CRYBG1: variants seen among roughly 807,000 people sequenced by gnomAD.
CRYBG1 encodes the protein crystallin beta-gamma domain containing 1, also known as beta/gamma crystallin domain-containing protein 1.
A neutral mutation model predicts 189.2 loss-of-function variants in CRYBG1; 139 were observed. The ratio of observed to expected loss-of-function variants is 0.73; its 90% CI spans 0.64 to 0.85. The LOEUF (loss-of-function observed/expected upper bound fraction) is 0.85, where lower values mean the gene tolerates loss of function less well. Among genes scored for constraint, CRYBG1 ranks in the 40% least tolerant of loss-of-function variants. CRYBG1 has a pLI of 0.00. For missense variants in CRYBG1, 2,611 were observed against 2,675.8 expected, an observed-to-expected ratio of 0.98 and a Z score of 0.53; for synonymous variants, 1,023 against 1,017.1, an observed-to-expected ratio of 1.01 and a Z score of -0.11.
At chr6:106,550,777 A>G (rs1774379625) in intron 13 of CRYBG1, among the ~76,000 whole-genome samples, 2 of 152,182 alleles carry the variant, frequency 1.3e-5, no homozygotes, top group Non-Finnish European at 2.9e-5. Context: ...AAGGTTGAGA[A>G]TGAAAGGACT....
chr6:106,395,682 T>G lies in CRYBG1; in HGVS notation c.173+34601T>G, dbSNP rs1177136983. 4.6e-5 allele frequency among the ~76,000 whole-genome samples: 7 copies of G among 152,292 alleles called. No homozygotes were observed. The East Asian group carries it at 1.4e-3, about 29-fold the overall frequency. On this transcript the variant is annotated intron_variant, in intron 1 of 21. Transcript: ENST00000633556. Reference sequence around the variant, plus strand: ...GTATAGGATTTTTTGGTTTGCTTCCTTAAGTGGTGATTTTGCCATCCCTGA... The same window carrying G: ...GTATAGGATTTTTTGGTTTGCTTCCGTAAGTGGTGATTTTGCCATCCCTGA...
At chr6:106,393,214 A>T (rs1342450501) in intron 1 of CRYBG1, among the ~76,000 whole-genome samples, 4 of 152,222 alleles carry the variant, frequency 2.6e-5, no homozygotes, top group Non-Finnish European at 5.9e-5. Flanking sequence ...CTGAGATGGA[A>T]CATGGAGGAG....
At chr6:106,440,400 G>A (rs990659317) in intron 1 of CRYBG1, among the ~76,000 whole-genome samples, 1 of 151,930 alleles carries the variant, frequency 6.6e-6, no homozygotes, top group African/African-American at 2.4e-5. Flanking sequence ...AAGTAGCTGG[G>A]ACTGTAGGCG....
intron 1 of CRYBG1, among the ~76,000 whole-genome samples, chr6:106,407,917 A>G (rs1218037305): frequency 1.3e-5 from 2 of 152,248 alleles, no homozygotes; most frequent in African/African-American, 4.8e-5. Context: ...CACAAGAGAA[A>G]GCAAGAAAGA....
chr6:106,557,403 C>A (rs2114592737), intron 17 of CRYBG1, among the ~76,000 whole-genome samples: 1 of 82,110 alleles, frequency 1.2e-5, no homozygotes, highest in East Asian at 3.9e-4. Context: ...TCCCCACATG[C>A]TTTTATTTTT....
At chr6:106,387,249 G>A in intron 1 of CRYBG1, among the ~76,000 whole-genome samples, 1 of 152,246 alleles carries the variant, frequency 6.6e-6, no homozygotes, top group East Asian at 1.9e-4. Flanking sequence ...AATTTCCATA[G>A]TAAGACTGTC....
chr6:106,473,421 A>G (rs560966486), intron 2 of CRYBG1, among the ~76,000 whole-genome samples: 1 of 152,224 alleles, frequency 6.6e-6, no homozygotes. Context: ...AGATAGTTAC[A>G]TATAGAAATA....
intron 2 of CRYBG1, among the ~76,000 whole-genome samples, chr6:106,511,112 A>T (rs1773249146): frequency 6.6e-6 from 1 of 152,068 alleles, no homozygotes. Context: ...AAGGTAAAAA[A>T]CCTAGAGAGG....
chr6:106,553,511 A>G lies in CRYBG1; in HGVS notation c.5529A>G (p.Thr1843=), dbSNP rs1399816031. The G allele has an allele frequency of 1.9e-6, 3 of 1,614,128 alleles. No individual in the cohort carries two copies. Among genetic ancestry groups the G allele is most frequent in the South Asian group, 1.1e-5 (1 of 91,080 alleles). ...FQGHSQSFEE[T]TSQIDDSFST... ...GTCACAGTCAAAGTTTTGAAGAAAC[A>G]ACAAGTCAAATTGATGATTCATTTT... The change falls in exon 16 of 22, where the codon ACA becomes ACG. Residue 1843 remains threonine (T), a synonymous_variant. Coordinates refer to ENST00000633556, the MANE Select transcript of CRYBG1 (RefSeq NM_001371242.2).
chr6:106,529,817 G>A lies in CRYBG1; in HGVS notation c.4579-359G>A, dbSNP rs373715219. On this transcript the variant is annotated intron_variant, in intron 7 of 21. Coordinates refer to ENST00000633556, the MANE Select transcript of CRYBG1 (RefSeq NM_001371242.2). Reference sequence around the variant, plus strand: ...AAGAGCAGCCATTCTACAGACTAGAGTCTCTGTGCTTGGATAATTATATCA... The same window carrying A: ...AAGAGCAGCCATTCTACAGACTAGAATCTCTGTGCTTGGATAATTATATCA... 7.9e-5 allele frequency among the ~76,000 whole-genome samples: 12 copies of A among 152,326 alleles called. No individual in the cohort carries two copies. In the South Asian group the frequency reaches 2.3e-3, roughly 29 times the overall value.
At chr6:106,432,736 C>G (rs140594493) in intron 1 of CRYBG1, among the ~76,000 whole-genome samples, 1 of 152,312 alleles carries the variant, frequency 6.6e-6, no homozygotes, top group East Asian at 1.9e-4. Flanking sequence ...CTTGATTTGG[C>G]CTTTGAGGCC....
At position 106,544,701 on chromosome 6, in the gene CRYBG1, A is replaced by T. The variant is rs200273272; in HGVS notation, c.5166+4A>T. On this transcript the variant is annotated splice_donor_region_variant and intron_variant, in intron 12 of 21. Transcript: ENST00000633556. ...GTCTTTACGACCTATATTAGGTGTA[A>T]GTAAAGGACAAGCTAATGGCTAATA... is the stretch of plus-strand genomic sequence containing the variant. 11 of 1,612,886 alleles carry T rather than the reference A, an allele frequency of 6.8e-6. No individual in the cohort carries two copies. Among genetic ancestry groups the T allele is most frequent in the Non-Finnish European group, 9.3e-6 (11 of 1,179,608 alleles).
At position 106,404,984 on chromosome 6, in the gene CRYBG1, GT is replaced by G. The variant is rs1307389824; in HGVS notation, c.173+43915del. On this transcript the variant is annotated intron_variant, in intron 1 of 21. Coordinates refer to ENST00000633556, the MANE Select transcript of CRYBG1 (RefSeq NM_001371242.2). Reference sequence around the variant, plus strand: ...TTGGGCAGACACCAAGCTAGCCGCAGTTTTTTTTTTTTCATACCCCAGTGGT... The same window carrying G: ...TTGGGCAGACACCAAGCTAGCCGCAGTTTTTTTTTTTCATACCCCAGTGGT... 4.7e-3 allele frequency among the ~76,000 whole-genome samples: 695 copies of G among 146,836 alleles called. 8 individuals carry two copies. The highest frequency in any genetic ancestry group is 0.017 in the South Asian group (79 of 4,638).
intron 16 of CRYBG1, among the ~76,000 whole-genome samples, chr6:106,554,971 T>C (rs554431805): frequency 5.3e-5 from 8 of 152,016 alleles, no homozygotes; most frequent in Non-Finnish European, 1.2e-4. Context: ...TCGAGACCAG[T>C]CTGGCCAATA....
Position 106,493,064 on chromosome 6 carries a change from G to T in CRYBG1, c.313-18366G>T, listed in dbSNP as rs572561740. On this transcript the variant is annotated intron_variant, in intron 2 of 21. Transcript: ENST00000633556. The stretch of plus-strand genomic sequence containing the variant: ...ACAGAGAAAATTACAGAAGAGTTTA[G>T]ATCAGGAAAAAATGAATCATTTCTT... 5.3e-5 allele frequency among the ~76,000 whole-genome samples: 8 copies of T among 151,444 alleles called. No individual in the cohort carries two copies. In the East Asian group the frequency reaches 1.5e-3, roughly 29 times the overall value.
rs1024607536 is a variant in CRYBG1, at chr6:106,451,738, A to G, written c.218A>G (p.Gln73Arg). ...VDGKYVVRDS[Q>R]EFPLHCGESQ... ...GGAAAATATGTGGTTCGAGACTCCCAGGAATTTCCACTGCACTGTGGGGAA... is the reference window on the plus strand; with the variant it reads ...GGAAAATATGTGGTTCGAGACTCCCGGGAATTTCCACTGCACTGTGGGGAA... The change falls in exon 2 of 22, where the codon CAG becomes CGG. Residue 73 changes from glutamine to arginine, a missense_variant. Physicochemically the swap from Gln to Arg is conservative, Grantham distance 43. Around this residue, in one of 3 missense-constraint regions of CRYBG1, gnomAD observed 985 missense variants for 924.4 expected, o/e 1.07. Coordinates refer to ENST00000633556, the MANE Select transcript of CRYBG1 (RefSeq NM_001371242.2). 8 of 1,534,824 alleles carry G rather than the reference A, an allele frequency of 5.2e-6. No individual in the cohort carries two copies. Among genetic ancestry groups the G allele is most frequent in the Non-Finnish European group, 6.1e-6 (7 of 1,146,382 alleles).
At chr6:106,431,476 C>T (rs113611661) in intron 1 of CRYBG1, among the ~76,000 whole-genome samples, 1,993 of 152,006 alleles carry the variant, frequency 0.013, 47 homozygotes, top group African/African-American at 0.045. Context: ...CAAGCCTGCT[C>T]AAGCCCCCCA....
intron 2 of CRYBG1, 71 bp downstream of exon 2, chr6:106,451,903 CCTGT>C (rs1416815877): frequency 5.2e-6 from 7 of 1,353,180 alleles, no homozygotes; most frequent in East Asian, 2.6e-5. Context: ...TGTAAGATAG[CCTGT>C]CTAAGAAACA....
chr6:106,518,585 C>T (rs535716509), intron 3 of CRYBG1, among the ~76,000 whole-genome samples: 7 of 152,146 alleles, frequency 4.6e-5, no homozygotes, highest in South Asian at 2.1e-4. Flanking sequence ...TATAATCTTC[C>T]GATCCCTCAT....
Sources: gnomAD v4.1 joint callset for allele counts (sites outside exome capture counted in the v4.1 genomes callset) on GRCh38, gnomAD v4.1.1 for gene constraint, gnomAD v4.1.1 regional missense constraint, MANE v1.5 for transcripts, NCBI Gene and HGNC (gene_info 2026-07-23, HGNC 2026-07-21) for gene names.